SMARCAD1: variants seen among roughly 807,000 people sequenced by gnomAD.
SMARCAD1 encodes SWI/SNF-related matrix-associated actin-dependent regulator of chromatin subfamily A containing DEAD/H box 1.
SMARCAD1 carries 25 observed loss-of-function variants against 127.1 expected under a neutral mutation model. The ratio of observed to expected loss-of-function variants is 0.20; its 90% CI spans 0.14 to 0.27. The LOEUF (loss-of-function observed/expected upper bound fraction) is 0.27. SMARCAD1 is among the 10% of genes least tolerant of loss of function. The pLI, the probability that SMARCAD1 is intolerant of heterozygous loss-of-function variation, is 1.00. For missense variants in SMARCAD1, 807 were observed against 1,206.0 expected, an observed-to-expected ratio of 0.67 and a Z score of 4.90; for synonymous variants, 400 against 396.9, an observed-to-expected ratio of 1.01 and a Z score of -0.09.
At chr4:94,255,514 GGTT>G (rs1187865322) in intron 9 of SMARCAD1, among the ~76,000 whole-genome samples, 1 of 151,622 alleles carries the variant, frequency 6.6e-6, no homozygotes, top group Non-Finnish European at 1.5e-5. Flanking sequence ...TAGATCATTG[GGTT>G]GTTTTCAAGG....
At chr4:94,249,616 T>C (rs865987813) in intron 6 of SMARCAD1, 38 bp from the exon 7 acceptor site, 2 of 1,043,356 alleles carry the variant, frequency 1.9e-6, no homozygotes, top group Middle Eastern at 4.1e-4. Context: ...GTTATTGATA[T>C]CTCTTAAATT....
chr4:94,259,284 T>C (rs1268795893), intron 9 of SMARCAD1, among the ~76,000 whole-genome samples: 15 of 152,234 alleles, frequency 9.9e-5, no homozygotes, highest in Admixed American at 9.8e-4. Flanking sequence ...CAGATTTTTA[T>C]TTACATGAGA....
At chr4:94,214,317 C>T (rs144697057) in intron 2 of SMARCAD1, among the ~76,000 whole-genome samples, 1,557 of 146,822 alleles carry the variant, frequency 0.011, 25 homozygotes, top group African/African-American at 0.037. Context: ...GGCTGGAGTG[C>T]AGTGGCGCAA....
In SMARCAD1 at chr4:94,278,328, C is replaced by G. The variant is rs35670996; in HGVS notation, c.2083-94C>G. 467,388 of 1,095,780 alleles carry G rather than the reference C, an allele frequency of 0.43. 105,421 individuals carry two copies. Among genetic ancestry groups the G allele is most frequent in the East Asian group, 0.75 (30,938 of 41,012 alleles). 67.9% of individuals were successfully genotyped at this position (1,095,780 alleles called of 1,614,324 possible). A position where few individuals can be genotyped will look rare whatever the true frequency, so the allele number is the denominator to read the frequency against. ...GTTTCTGCAGAAAATAACTCAGACT[C>G]TAATGAGGGAGATTTTTATGTTGTG... On this transcript the variant is annotated intron_variant, in intron 16 of 23. Coordinates refer to ENST00000354268, the MANE Select transcript of SMARCAD1 (RefSeq NM_020159.5).
chr4:94,229,708 C>T (rs970485387), intron 3 of SMARCAD1, among the ~76,000 whole-genome samples: 3 of 151,824 alleles, frequency 2.0e-5, no homozygotes, highest in African/African-American at 4.8e-5. Flanking sequence ...GAATTAATGT[C>T]ATTGCCCTTT....
At chr4:94,214,524 C>A (rs1194492955) in intron 2 of SMARCAD1, among the ~76,000 whole-genome samples, 5 of 152,112 alleles carry the variant, frequency 3.3e-5, no homozygotes, top group African/African-American at 1.2e-4. Context: ...CCTCGGCCTC[C>A]TAAAGTGCTG....
At chr4:94,275,797 T>TTTTATTTTCTTTTATTTTA (rs771113021) in intron 14 of SMARCAD1, among the ~76,000 whole-genome samples, 1 of 103,368 alleles carries the variant, frequency 9.7e-6, no homozygotes, top group Non-Finnish European at 1.9e-5. Context: ...TAACATTTTC[T>TTTTATTTTCTTTTATTTTA]TTTTTTTTTT....
Position 94,284,148 on chromosome 4 carries a change from C to G in SMARCAD1, c.2910-812C>G, listed in dbSNP as rs143452525. On this transcript the variant is annotated intron_variant, in intron 22 of 23. Coordinates refer to ENST00000354268, the MANE Select transcript of SMARCAD1 (RefSeq NM_020159.5). Reference sequence around the variant, plus strand: ...CATTCTGGCTAACATGGTGAAACCCCGTCTCTACTAAAAATACAAAAAAAA... The same window carrying G: ...CATTCTGGCTAACATGGTGAAACCCGGTCTCTACTAAAAATACAAAAAAAA... Among the ~76,000 whole-genome samples, 15 of 147,178 alleles carry G rather than the reference C, an allele frequency of 1.0e-4. No individual in the cohort carries two copies. The South Asian group carries it at 3.3e-3, about 32-fold the overall frequency.
At chr4:94,254,118 A>C (rs961511609) in intron 9 of SMARCAD1, among the ~76,000 whole-genome samples, 1 of 152,126 alleles carries the variant, frequency 6.6e-6, no homozygotes, top group Non-Finnish European at 1.5e-5. Flanking sequence ...AAAATACAGA[A>C]ACAACATTAA....
In SMARCAD1 at chr4:94,278,499, C is replaced by T. The variant is rs779564159; in HGVS notation, c.2160C>T (p.Leu720=). 1 of 1,612,938 alleles carries T rather than the reference C, an allele frequency of 6.2e-7. No individual in the cohort carries two copies. The highest frequency in any genetic ancestry group is 8.5e-7 in the Non-Finnish European group (1 of 1,179,120). The part of the protein sequence containing the change: ...HAKQIIKPFI[L]RRVKEEVLKQ... ...AACAAATTATAAAGCCATTTATTCT[C>T]AGAAGAGTAAAAGAAGAGGTAATGC... Residue 720 remains leucine (L), a synonymous_variant, in exon 17 of 24, where the codon CTC becomes CTT. Transcript: ENST00000354268.
intron 2 of SMARCAD1, chr4:94,213,090 A>G (rs968976707): frequency 7.8e-7 from 1 of 1,288,390 alleles, no homozygotes; most frequent in Non-Finnish European, 1.0e-6. Flanking sequence ...ATCCTACTAT[A>G]TTTTATGAAT....
At chr4:94,240,808 C>T (rs1026692627) in intron 5 of SMARCAD1, 98 bp from the exon 6 acceptor site, 12 of 804,316 alleles carry the variant, frequency 1.5e-5, no homozygotes, top group Non-Finnish European at 2.6e-5. Flanking sequence ...AGAGAACTGT[C>T]TAGTATTCAT....
intron 7 of SMARCAD1, among the ~76,000 whole-genome samples, chr4:94,250,168 G>A (rs1226443086): frequency 6.6e-6 from 1 of 151,406 alleles, no homozygotes; most frequent in African/African-American, 2.4e-5. Flanking sequence ...CTACTTCCCA[G>A]ATAGTGAGAA....
Position 94,291,156 on chromosome 4 carries a change from A to G in SMARCAD1, c.*1622A>G, listed in dbSNP as rs761002026. 4.9e-5 allele frequency: 22 copies of G among 453,444 alleles called. No individual in the cohort carries two copies. The East Asian group carries it at 6.3e-4, about 13-fold the overall frequency. The allele number at this position is 453,444 out of a possible 1,614,324, so 28.1% of individuals were successfully genotyped here. The stretch of plus-strand genomic sequence containing the variant: ...TGTTTTCTGTATTAATGTATTTTCA[A>G]TGATAGGCTGTTTCTTTTTTTGTTG... On this transcript the variant is annotated 3_prime_UTR_variant, in exon 24 of 24. Transcript: ENST00000354268.
chr4:94,276,453 C>T lies in SMARCAD1; in HGVS notation c.1923C>T (p.Tyr641=), dbSNP rs1232755924. The change falls in exon 15 of 24, where the codon TAC becomes TAT. Residue 641 remains tyrosine, a synonymous_variant. Coordinates refer to ENST00000354268, the MANE Select transcript of SMARCAD1 (RefSeq NM_020159.5). ...HMLKNMGSIR[Y]QHLMTINANN... ...TGAAGAATATGGGCTCCATTCGCTACCAGCACCTTATGACAATTAATGTAA... is the reference window on the plus strand; with the variant it reads ...TGAAGAATATGGGCTCCATTCGCTATCAGCACCTTATGACAATTAATGTAA... 1 of 1,613,984 alleles carries T rather than the reference C, an allele frequency of 6.2e-7. No individual in the cohort carries two copies. Among genetic ancestry groups the T allele is most frequent in the Non-Finnish European group, 8.5e-7 (1 of 1,180,030 alleles).
chr4:94,218,014 C>A (rs779116643), intron 2 of SMARCAD1, among the ~76,000 whole-genome samples: 2 of 152,078 alleles, frequency 1.3e-5, no homozygotes, highest in Non-Finnish European at 2.9e-5. Flanking sequence ...AAACACTGTT[C>A]TACATCTTGT....
At chr4:94,272,642 GATCT>G (rs1364946438) in intron 11 of SMARCAD1, among the ~76,000 whole-genome samples, 2 of 151,874 alleles carry the variant, frequency 1.3e-5, no homozygotes, top group Non-Finnish European at 2.9e-5. Flanking sequence ...ATGTTATTGA[GATCT>G]ATCTGTGTTC....
At chr4:94,246,450 A>G (rs1046513336) in intron 6 of SMARCAD1, among the ~76,000 whole-genome samples, 2 of 152,130 alleles carry the variant, frequency 1.3e-5, no homozygotes, top group African/African-American at 4.8e-5. Flanking sequence ...TATTTTATAA[A>G]ATGAATCAAG....
intron 4 of SMARCAD1, among the ~76,000 whole-genome samples, chr4:94,236,362 A>G (rs13102349): frequency 6.6e-6 from 1 of 152,124 alleles, no homozygotes; most frequent in Non-Finnish European, 1.5e-5. Flanking sequence ...GTATATTAGA[A>G]TGATGTCATG....
Sources: allele counts gnomAD v4.1 joint callset (sites outside exome capture counted in the v4.1 genomes callset), GRCh38; gene constraint gnomAD v4.1.1; transcripts MANE v1.5; gene names NCBI Gene and HGNC (gene_info 2026-07-23, HGNC 2026-07-21).